TMEM132D: variants seen among roughly 807,000 people sequenced by gnomAD.
TMEM132D encodes transmembrane protein 132D.
A neutral mutation model predicts 62.3 loss-of-function variants in TMEM132D; 21 were observed. The ratio of observed to expected loss-of-function variants is 0.34; its 90% CI spans 0.24 to 0.49. The LOEUF (loss-of-function observed/expected upper bound fraction) is 0.49, where lower values mean the gene tolerates loss of function less well. Among genes scored for constraint, TMEM132D ranks in the 20% least tolerant of loss-of-function variants. TMEM132D has a pLI of 0.99. For synonymous variants in TMEM132D, 621 were observed against 575.6 expected, an observed-to-expected ratio of 1.08 and a Z score of -1.13; for missense variants, 1,346 against 1,402.8, an observed-to-expected ratio of 0.96 and a Z score of 0.65.
intron 3 of TMEM132D, among the ~76,000 whole-genome samples, chr12:129,445,311 G>A (rs962922195): frequency 6.6e-5 from 10 of 152,102 alleles, no homozygotes; most frequent in Admixed American, 3.9e-4. Flanking sequence ...CCTATGGGAG[G>A]GTGGAGTGTG....
chr12:129,730,910 T>G (rs1027901092), intron 1 of TMEM132D, among the ~76,000 whole-genome samples: 1 of 152,090 alleles, frequency 6.6e-6, no homozygotes, highest in East Asian at 1.9e-4. Flanking sequence ...TTCCCTACTT[T>G]TGAGGTTTTG....
chr12:129,798,952 A>G (rs1311613410), intron 1 of TMEM132D, among the ~76,000 whole-genome samples: 1 of 152,222 alleles, frequency 6.6e-6, no homozygotes, highest in African/African-American at 2.4e-5. Flanking sequence ...ACTCTTAACG[A>G]CTGGAAGAGT....
At chr12:129,757,102 G>C (rs1870191175) in intron 1 of TMEM132D, among the ~76,000 whole-genome samples, 1 of 152,156 alleles carries the variant, frequency 6.6e-6, no homozygotes, top group African/African-American at 2.4e-5. Flanking sequence ...AGGAATACAG[G>C]CTGAAGTTGG....
chr12:129,382,688 C>G (rs1176979462), intron 3 of TMEM132D, among the ~76,000 whole-genome samples: 1 of 152,150 alleles, frequency 6.6e-6, no homozygotes, highest in Non-Finnish European at 1.5e-5. Context: ...GTCTACCTTG[C>G]AAGGGATCTA....
At position 129,778,699 on chromosome 12, in the gene TMEM132D, G is replaced by C. The variant is rs115356057; in HGVS notation, c.80-78001C>G. 4.9e-3 allele frequency among the ~76,000 whole-genome samples: 748 copies of C among 152,234 alleles called. 10 individuals are homozygous for C. The highest frequency in any genetic ancestry group is 0.017 in the African/African-American group (703 of 41,538). ...TAATCGTAGCTTGAACTCTGACCCC[G>C]GCATGGTTGTATTTTGACTTACCTG... On this transcript the variant is annotated intron_variant, in intron 1 of 8. Transcript: ENST00000422113.
chr12:129,201,504 G>C lies in TMEM132D; in HGVS notation c.1443+8016C>G, dbSNP rs115466618. On this transcript the variant is annotated intron_variant, in intron 5 of 8. Transcript: ENST00000422113. ...ACTCCTCATTGAGTTCATGTGCTTT[G>C]AGATGATTTAGGGCTTGGACAACCA... is the stretch of plus-strand genomic sequence containing the variant. Among the ~76,000 whole-genome samples the C allele has an allele frequency of 4.1e-3, 619 of 152,310 alleles. 8 individuals are homozygous for C. The highest frequency in any genetic ancestry group is 0.014 in the African/African-American group (587 of 41,546).
At chr12:129,877,628 C>CACACAGAGAGAGAGAG (rs869172595) in intron 1 of TMEM132D, among the ~76,000 whole-genome samples, 1 of 146,854 alleles carries the variant, frequency 6.8e-6, no homozygotes, top group African/African-American at 2.6e-5. Flanking sequence ...CACACACACA[C>CACACAGAGAGAGAGAG]AGAGAGAGAG....
chr12:129,690,660 C>T (rs78821329), intron 2 of TMEM132D, among the ~76,000 whole-genome samples: 3,339 of 152,190 alleles, frequency 0.022, 171 homozygotes, highest in South Asian at 0.12. Context: ...ATCCTAAATG[C>T]GTATGCATCT....
intron 3 of TMEM132D, among the ~76,000 whole-genome samples, chr12:129,466,978 G>A (rs1349521595): frequency 6.6e-6 from 1 of 152,116 alleles, no homozygotes; most frequent in Non-Finnish European, 1.5e-5. Context: ...CCTTTTGGTT[G>A]GATGAATAGT....
At chr12:129,136,143 T>C (rs1398806112) in intron 5 of TMEM132D, among the ~76,000 whole-genome samples, 1 of 152,196 alleles carries the variant, frequency 6.6e-6, no homozygotes, top group African/African-American at 2.4e-5. Flanking sequence ...GGCACCACTT[T>C]TTATAATTTT....
chr12:129,618,243 G>A (rs574919245), intron 2 of TMEM132D, among the ~76,000 whole-genome samples: 1 of 152,218 alleles, frequency 6.6e-6, no homozygotes, highest in Non-Finnish European at 1.5e-5. Context: ...ACCCAAAATT[G>A]TGAGGGTTTT....
intron 2 of TMEM132D, among the ~76,000 whole-genome samples, chr12:129,667,074 G>C (rs1212043555): frequency 6.6e-6 from 1 of 152,128 alleles, no homozygotes; most frequent in East Asian, 1.9e-4. Context: ...TTTTCCATAG[G>C]TTAAAACATT....
chr12:129,457,400 T>C (rs1263159636), intron 3 of TMEM132D, among the ~76,000 whole-genome samples: 2 of 123,668 alleles, frequency 1.6e-5, no homozygotes, highest in East Asian at 2.5e-4. Flanking sequence ...TGAGAACACA[T>C]GGACACAGGA....
intron 3 of TMEM132D, among the ~76,000 whole-genome samples, chr12:129,471,893 G>A (rs1463941449): frequency 6.6e-6 from 1 of 152,240 alleles, no homozygotes; most frequent in Non-Finnish European, 1.5e-5. Flanking sequence ...CTACTCCAGA[G>A]CAAGGCCCTA....
At chr12:129,407,276 G>A (rs1315400358) in intron 3 of TMEM132D, among the ~76,000 whole-genome samples, 1 of 152,132 alleles carries the variant, frequency 6.6e-6, no homozygotes, top group Non-Finnish European at 1.5e-5. Flanking sequence ...GGAGAAAAAT[G>A]TTAATCTGTG....
intron 3 of TMEM132D, among the ~76,000 whole-genome samples, chr12:129,431,828 G>T (rs1872662468): frequency 1.3e-5 from 2 of 152,096 alleles, no homozygotes; most frequent in Non-Finnish European, 2.9e-5. Context: ...CTCATGCCCT[G>T]TTGCTCTTCT....
Position 129,107,079 on chromosome 12 carries a change from A to T in TMEM132D, c.1444-22377T>A, listed in dbSNP as rs12307448. 3.5e-3 allele frequency among the ~76,000 whole-genome samples: 538 copies of T among 152,316 alleles called. 1 individual carries two copies. Among genetic ancestry groups the T allele is most frequent in the African/African-American group, 0.012 (495 of 41,578 alleles). On this transcript the variant is annotated intron_variant, in intron 5 of 8. Coordinates refer to ENST00000422113, the MANE Select transcript of TMEM132D (RefSeq NM_133448.3). ...TATCATCTAGAACAGTGCTTGGCAT[A>T]TAGTAGGCACACAAGAAAGAGGTGA...
intron 3 of TMEM132D, among the ~76,000 whole-genome samples, chr12:129,525,084 C>T (rs997897171): frequency 3.3e-5 from 5 of 149,956 alleles, no homozygotes; most frequent in Admixed American, 3.3e-4. Flanking sequence ...CGCCACCACA[C>T]TCAGCTAATT....
At chr12:129,388,586 GACACCAATACTAACACCA>G (rs977172559) in intron 3 of TMEM132D, among the ~76,000 whole-genome samples, 9 of 59,948 alleles carry the variant, frequency 1.5e-4, no homozygotes, top group East Asian at 1.1e-3. Flanking sequence ...CACTAACACC[GACACCAATACTAACACCA>G]ACACCAATCC....
Sources: gnomAD v4.1 joint callset for allele counts (sites outside exome capture counted in the v4.1 genomes callset) on GRCh38, gnomAD v4.1.1 for gene constraint, MANE v1.5 for transcripts, NCBI Gene and HGNC (gene_info 2026-07-23, HGNC 2026-07-21) for gene names.